The following CFAP299 variants were observed in gnomAD, a reference collection of about 807,000 sequenced individuals.
CFAP299 encodes the protein cilia and flagella associated protein 299, also known as cilia- and flagella-associated protein 299.
CFAP299 carries 21 observed loss-of-function variants against 27.0 expected under a neutral mutation model. That is an observed-to-expected ratio of 0.78 (90% CI 0.55 to 1.12). The LOEUF (loss-of-function observed/expected upper bound fraction) is 1.12. CFAP299 is among the 50% of genes most tolerant of loss of function. The probability of loss-of-function intolerance (pLI) is 0.00; values close to 1 mark genes in which losing one functional copy is unlikely to be tolerated. For missense variants in CFAP299, 310 were observed against 276.6 expected, an observed-to-expected ratio of 1.12 and a Z score of -0.86; for synonymous variants, 104 against 98.1, an observed-to-expected ratio of 1.06 and a Z score of -0.36.
intron 3 of CFAP299, among the ~76,000 whole-genome samples, chr4:80,863,381 A>G (rs1374196408): frequency 6.6e-6 from 1 of 152,158 alleles, no homozygotes; most frequent in African/African-American, 2.4e-5. Context: ...CAAGCAGCCA[A>G]AGATCCAAAT....
chr4:80,414,254 T>G (rs1726890432), intron 2 of CFAP299, among the ~76,000 whole-genome samples: 1 of 151,398 alleles, frequency 6.6e-6, no homozygotes, highest in Non-Finnish European at 1.5e-5. Context: ...GTATTTTTAG[T>G]AGAGACGGGG....
At chr4:80,495,629 C>T (rs1347901032) in intron 2 of CFAP299, among the ~76,000 whole-genome samples, 1 of 152,134 alleles carries the variant, frequency 6.6e-6, no homozygotes, top group Non-Finnish European at 1.5e-5. Flanking sequence ...CAAACCCTAT[C>T]TCTATAAAAA....
intron 3 of CFAP299, among the ~76,000 whole-genome samples, chr4:80,718,634 A>G (rs954652436): frequency 6.6e-6 from 1 of 152,132 alleles, no homozygotes; most frequent in Non-Finnish European, 1.5e-5. Flanking sequence ...ATAAAGCATC[A>G]GTAAGTTTCA....
chr4:80,956,294 C>T (rs558262568), intron 5 of CFAP299, among the ~76,000 whole-genome samples: 2 of 152,246 alleles, frequency 1.3e-5, no homozygotes, highest in East Asian at 3.9e-4. Flanking sequence ...TTCCCATTTC[C>T]CATGCCCTAT....
chr4:80,382,034 G>C (rs1724726733), intron 2 of CFAP299, among the ~76,000 whole-genome samples: 1 of 152,162 alleles, frequency 6.6e-6, no homozygotes, highest in Non-Finnish European at 1.5e-5. Context: ...TTGAAGAAAT[G>C]GAGTGAAGCT....
chr4:80,618,146 A>G (rs1281639021), intron 3 of CFAP299, among the ~76,000 whole-genome samples: 3 of 152,138 alleles, frequency 2.0e-5, no homozygotes, highest in African/African-American at 7.2e-5. Flanking sequence ...CATATGAAGT[A>G]TCTCATGGTC....
intron 2 of CFAP299, among the ~76,000 whole-genome samples, chr4:80,454,242 T>A (rs1041116996): frequency 4.5e-4 from 68 of 152,244 alleles, no homozygotes; most frequent in African/African-American, 1.6e-3. Flanking sequence ...ATGCCAGGTA[T>A]GATGAAAAGC....
intron 2 of CFAP299, among the ~76,000 whole-genome samples, chr4:80,372,807 A>G (rs1434285634): frequency 1.3e-5 from 2 of 152,188 alleles, no homozygotes; most frequent in East Asian, 3.8e-4. Flanking sequence ...CAGGAGAATA[A>G]ACATAACCCC....
chr4:80,849,928 G>C (rs925692546), intron 3 of CFAP299, among the ~76,000 whole-genome samples: 6 of 152,192 alleles, frequency 3.9e-5, no homozygotes, highest in African/African-American at 1.4e-4. Context: ...TAATTACCCA[G>C]ATTTGATCAT....
At chr4:80,367,507 C>A (rs1211537002) in intron 2 of CFAP299, among the ~76,000 whole-genome samples, 3 of 152,114 alleles carry the variant, frequency 2.0e-5, no homozygotes, top group South Asian at 2.1e-4. Flanking sequence ...CACTAAGGCC[C>A]TTTTTTCTCC....
chr4:80,567,815 C>G (rs1735386109), intron 2 of CFAP299, among the ~76,000 whole-genome samples: 1 of 150,964 alleles, frequency 6.6e-6, no homozygotes, highest in Non-Finnish European at 1.5e-5. Flanking sequence ...GAAACCAATA[C>G]ATAATTAGAA....
chr4:80,496,461 C>T (rs1226274557), intron 2 of CFAP299, among the ~76,000 whole-genome samples: 2 of 152,138 alleles, frequency 1.3e-5, no homozygotes, highest in African/African-American at 2.4e-5. Context: ...CAATAAGTTC[C>T]TCATTTCCAT....
chr4:80,867,332 C>T (rs572442185), intron 3 of CFAP299, among the ~76,000 whole-genome samples: 1 of 152,194 alleles, frequency 6.6e-6, no homozygotes, highest in South Asian at 2.1e-4. Flanking sequence ...GATCACTTAA[C>T]TTTCAACCTT....
At chr4:80,821,473 A>G (rs1250084638) in intron 3 of CFAP299, among the ~76,000 whole-genome samples, 3 of 152,220 alleles carry the variant, frequency 2.0e-5, no homozygotes, top group Non-Finnish European at 2.9e-5. Flanking sequence ...ATGCTTCAGA[A>G]CTGAGCAGAA....
chr4:80,854,571 A>T (rs935422077), intron 3 of CFAP299, among the ~76,000 whole-genome samples: 3 of 152,104 alleles, frequency 2.0e-5, no homozygotes, highest in Non-Finnish European at 4.4e-5. Flanking sequence ...GAAAGGAAGA[A>T]CACAGATCTA....
chr4:80,525,331 A>G (rs1008231823), intron 2 of CFAP299, among the ~76,000 whole-genome samples: 3 of 152,064 alleles, frequency 2.0e-5, no homozygotes, highest in African/African-American at 7.2e-5. Context: ...CCATCATGCA[A>G]CGCCTGTGAA....
In CFAP299 at chr4:80,963,619, A is replaced by C. The variant is rs779224912; in HGVS notation, c.*7A>C. 4 of 1,539,242 alleles carry C rather than the reference A, an allele frequency of 2.6e-6. No homozygotes were observed. Among genetic ancestry groups the C allele is most frequent in the Non-Finnish European group, 3.6e-6 (4 of 1,119,452 alleles). On this transcript the variant is annotated 3_prime_UTR_variant, in exon 6 of 6. Transcript: ENST00000358105. ...TTCCAGAAGGAAGACTTAAGTACCA[A>C]CATGTTAATTTCCTAATAATTTGCT... is the stretch of plus-strand genomic sequence containing the variant.
At chr4:80,784,699 T>C (rs1035681438) in intron 3 of CFAP299, among the ~76,000 whole-genome samples, 2 of 151,970 alleles carry the variant, frequency 1.3e-5, no homozygotes, top group African/African-American at 4.8e-5. Context: ...GTATTTCTAG[T>C]GGAGACTAGA....
chr4:80,776,515 T>C lies in CFAP299; in HGVS notation c.334-93478T>C, dbSNP rs1452277156. On this transcript the variant is annotated intron_variant, in intron 3 of 5. Coordinates refer to ENST00000358105, the MANE Select transcript of CFAP299 (RefSeq NM_152770.3). ...TTCAACAGAATTAAGATGTTCTCAC[T>C]CATAAGTGGGAGTTGAACAATGAGA... 3.3e-5 allele frequency among the ~76,000 whole-genome samples: 5 copies of C among 152,190 alleles called. No homozygotes were observed. In the East Asian group the frequency reaches 9.7e-4, roughly 29 times the overall value.
Sources: gnomAD v4.1 joint callset for allele counts (sites outside exome capture counted in the v4.1 genomes callset) on GRCh38, gnomAD v4.1.1 for gene constraint, MANE v1.5 for transcripts, NCBI Gene and HGNC (gene_info 2026-07-23, HGNC 2026-07-21) for gene names.